Variants in ME3 observed in about 807,000 individuals in gnomAD.
The protein encoded by ME3 is NADP-dependent malic enzyme, mitochondrial.
Under a neutral mutation model 68.9 loss-of-function variants are expected in ME3, and 48 were observed. The observed-to-expected ratio is 0.70, with a 90% CI of 0.55 to 0.89. ME3 has a LOEUF of 0.89. Among genes scored for constraint, ME3 ranks in the 40% least tolerant of loss-of-function variants. The pLI is 0.00. For synonymous variants in ME3, 320 were observed against 318.8 expected (o/e 1.00, Z -0.04); for missense variants, 675 against 797.4 (o/e 0.85, Z 1.85).
In ME3 at chr11:86,441,537, G is replaced by A. The variant is rs185191284; in HGVS notation, c.1654-97C>T. 9.6e-5 allele frequency: 115 copies of A among 1,202,236 alleles called. No individual in the cohort carries two copies. The African/African-American group carries it at 1.4e-3, about 15-fold the overall frequency. The allele number at this position is 1,202,236 out of a possible 1,614,324, so 74.5% of individuals were successfully genotyped here. A position where few individuals can be genotyped will look rare whatever the true frequency, so the allele number is the denominator to read the frequency against. The stretch of plus-strand genomic sequence containing the variant: ...CATGGGGGAGGGGAATACACCTTAA[G>A]GAACCAGACTTGTTTCTTTCATGAG... On this transcript the variant is annotated intron_variant, in intron 14 of 14. Transcript: ENST00000543262.
intron 2 of ME3, among the ~76,000 whole-genome samples, chr11:86,582,922 A>T (rs1463351077): frequency 6.6e-6 from 1 of 151,992 alleles, no homozygotes; most frequent in Non-Finnish European, 1.5e-5. Flanking sequence ...AAAAAAAAAA[A>T]GAAGACAGAA....
chr11:86,492,130 T>C (rs1182377138), intron 6 of ME3, among the ~76,000 whole-genome samples: 1 of 152,262 alleles, frequency 6.6e-6, no homozygotes, highest in Non-Finnish European at 1.5e-5. Context: ...TGACTAGCTC[T>C]GTGGCTTTGG....
chr11:86,504,322 A>C (rs990787047), intron 5 of ME3, among the ~76,000 whole-genome samples: 2 of 151,316 alleles, frequency 1.3e-5, no homozygotes, highest in Non-Finnish European at 2.9e-5. Flanking sequence ...AATTGTGGGT[A>C]ACCTCAGACA....
intron 4 of ME3, among the ~76,000 whole-genome samples, chr11:86,542,539 C>T (rs749377789): frequency 9.9e-5 from 15 of 151,716 alleles, no homozygotes; most frequent in African/African-American, 7.3e-5. Flanking sequence ...ATTGATTAAG[C>T]GGTAGAAGGG....
chr11:86,535,313 G>T (rs535949192), intron 4 of ME3, among the ~76,000 whole-genome samples: 12 of 152,092 alleles, frequency 7.9e-5, no homozygotes, highest in African/African-American at 2.9e-4. Flanking sequence ...CATCTATGTC[G>T]TCCACTTGGC....
intron 2 of ME3, among the ~76,000 whole-genome samples, chr11:86,606,684 A>G (rs922994517): frequency 1.3e-5 from 2 of 152,234 alleles, no homozygotes; most frequent in African/African-American, 4.8e-5. Flanking sequence ...GAAGTGACCA[A>G]TAGTCCATGG....
intron 2 of ME3, among the ~76,000 whole-genome samples, chr11:86,649,958 T>G (rs1320493759): frequency 6.6e-6 from 1 of 152,174 alleles, no homozygotes; most frequent in Non-Finnish European, 1.5e-5. Flanking sequence ...GAAAAACTAC[T>G]TTCAATTTCA....
At chr11:86,550,936 G>A (rs1956639641) in intron 4 of ME3, among the ~76,000 whole-genome samples, 1 of 152,066 alleles carries the variant, frequency 6.6e-6, no homozygotes, top group Admixed American at 6.5e-5. Context: ...AAGCAGAGGT[G>A]TGTAATTCAT....
At chr11:86,462,341 CTATT>C (rs1313998874) in intron 8 of ME3, among the ~76,000 whole-genome samples, 1 of 152,140 alleles carries the variant, frequency 6.6e-6, no homozygotes, top group African/African-American at 2.4e-5. Context: ...AGATACTAGT[CTATT>C]TATGTGTTAA....
At chr11:86,592,080 A>G (rs1959096120) in intron 2 of ME3, among the ~76,000 whole-genome samples, 2 of 152,194 alleles carry the variant, frequency 1.3e-5, no homozygotes, top group Non-Finnish European at 2.9e-5. Flanking sequence ...CTAAGAGAAA[A>G]AAGTCACCAC....
intron 2 of ME3, among the ~76,000 whole-genome samples, chr11:86,631,758 G>GT (rs1944031880): frequency 6.6e-6 from 1 of 152,170 alleles, no homozygotes; most frequent in Admixed American, 6.5e-5. Flanking sequence ...TTGAGATAGA[G>GT]TTTTATTCTT....
intron 2 of ME3, among the ~76,000 whole-genome samples, chr11:86,641,618 A>T (rs948747102): frequency 6.6e-6 from 1 of 152,236 alleles, no homozygotes; most frequent in East Asian, 1.9e-4. Context: ...ACACAGGATC[A>T]AAGACTTGGA....
chr11:86,563,948 A>G (rs926083848), intron 2 of ME3, among the ~76,000 whole-genome samples: 4 of 152,084 alleles, frequency 2.6e-5, no homozygotes, highest in South Asian at 2.1e-4. Context: ...TTGCTTCCAC[A>G]TGGATTTTAG....
intron 2 of ME3, chr11:86,622,643 C>G (rs529197429): frequency 6.6e-6 from 1 of 152,116 alleles, no homozygotes; most frequent in Non-Finnish European, 1.5e-5. Context: ...GTTCTTTGTA[C>G]CACCTCTTCT....
chr11:86,620,895 C>T (rs1943305139), intron 2 of ME3, among the ~76,000 whole-genome samples: 1 of 152,158 alleles, frequency 6.6e-6, no homozygotes, highest in Non-Finnish European at 1.5e-5. Flanking sequence ...AAAATCAGAT[C>T]CATCTGACCT....
chr11:86,577,713 A>C (rs1425338529), intron 2 of ME3, among the ~76,000 whole-genome samples: 1 of 152,220 alleles, frequency 6.6e-6, no homozygotes, highest in Admixed American at 6.5e-5. Flanking sequence ...TTCATTACAC[A>C]AGTGTCTATA....
Position 86,479,199 on chromosome 11 carries a change from T to A in ME3, c.809+8138A>T, listed in dbSNP as rs549014077. ...TTGGAACACCCATCTTCTCCGGCCC[T>A]TGAGCATCAGAACTCCAGGCTCTTT... On this transcript the variant is annotated intron_variant, in intron 7 of 14. Coordinates refer to ENST00000543262, the Ensembl canonical transcript of ME3. 2.0e-5 allele frequency among the ~76,000 whole-genome samples: 3 copies of A among 152,324 alleles called. No individual in the cohort carries two copies. The East Asian group carries it at 5.8e-4, about 29-fold the overall frequency.
chr11:86,489,824 A>C (rs1951892668), intron 6 of ME3, among the ~76,000 whole-genome samples: 1 of 151,764 alleles, frequency 6.6e-6, no homozygotes, highest in African/African-American at 2.4e-5. Context: ...CTCCCCCTTT[A>C]TTCTTCACAG....
At chr11:86,613,714 C>A (rs1942758729) in intron 2 of ME3, among the ~76,000 whole-genome samples, 1 of 152,114 alleles carries the variant, frequency 6.6e-6, no homozygotes, top group African/African-American at 2.4e-5. Context: ...AACTCCCAGT[C>A]ACCATTGCTA....
Sources: allele counts gnomAD v4.1 joint callset (sites outside exome capture counted in the v4.1 genomes callset), GRCh38; gene constraint gnomAD v4.1.1; transcripts MANE v1.5; gene names NCBI Gene and HGNC (gene_info 2026-07-23, HGNC 2026-07-21).